SUGCT: variants seen among roughly 807,000 people sequenced by gnomAD.
SUGCT encodes the protein succinyl-CoA:glutarate CoA-transferase.
A neutral mutation model predicts 55.0 loss-of-function variants in SUGCT; 41 were observed. The ratio of observed to expected loss-of-function variants is 0.74; its 90% CI spans 0.58 to 0.97. The LOEUF (loss-of-function observed/expected upper bound fraction) is 0.97. Ranked by LOEUF, SUGCT falls within the 50% of genes least tolerant of loss-of-function variation. The pLI, the probability that SUGCT is intolerant of heterozygous loss-of-function variation, is 0.00. For synonymous variants in SUGCT, 187 were observed against 200.4 expected (o/e 0.93, Z 0.56); for missense variants, 568 against 547.8 (o/e 1.04, Z -0.37).
intron 13 of SUGCT, among the ~76,000 whole-genome samples, chr7:40,769,767 C>T (rs577724410): frequency 3.3e-5 from 5 of 152,166 alleles, no homozygotes; most frequent in Admixed American, 6.5e-5. Flanking sequence ...AACTTTGTGA[C>T]GATTTGTAAC....
At position 40,419,317 on chromosome 7, in the gene SUGCT, T is replaced by C. The variant is rs565288966; in HGVS notation, c.817-29970T>C. Among the ~76,000 whole-genome samples the C allele has an allele frequency of 4.1e-4, 63 of 152,288 alleles. 1 individual carries two copies. Among genetic ancestry groups the C allele is most frequent in the Non-Finnish European group, 8.5e-4 (58 of 68,026 alleles). Reference sequence around the variant, plus strand: ...AATTCAATTTTTTTCTTGTTCTTAATTAACCACATCCACTTCTATATATTA... The same window carrying C: ...AATTCAATTTTTTTCTTGTTCTTAACTAACCACATCCACTTCTATATATTA... On this transcript the variant is annotated intron_variant, in intron 9 of 13. Coordinates refer to ENST00000335693, the MANE Select transcript of SUGCT (RefSeq NM_001193313.2).
the SUGCT span, among the ~76,000 whole-genome samples, chr7:40,996,061 G>T: frequency 3.9e-4 from 59 of 152,252 alleles, no homozygotes; most frequent in African/African-American, 1.4e-3. Context: ...TGTCACAGAT[G>T]GAGAAATATC....
the SUGCT span, among the ~76,000 whole-genome samples, chr7:40,925,453 C>T: frequency 1.3e-4 from 20 of 152,138 alleles, no homozygotes; most frequent in Admixed American, 6.5e-5. Flanking sequence ...TATCATCTTC[C>T]CAGAGATAAC....
chr7:40,724,632 T>C (rs1215381772), intron 12 of SUGCT, among the ~76,000 whole-genome samples: 1 of 151,550 alleles, frequency 6.6e-6, no homozygotes, highest in African/African-American at 2.4e-5. Context: ...GCACAGCTAG[T>C]GGTTTACTGT....
intron 8 of SUGCT, 81 bp from the exon 9 acceptor site, chr7:40,316,679 A>T: frequency 1.2e-6 from 1 of 862,770 alleles, no homozygotes; most frequent in Non-Finnish European, 1.8e-6. Flanking sequence ...AAGTGAAATT[A>T]CTTTCATAAT....
intron 13 of SUGCT, among the ~76,000 whole-genome samples, chr7:40,777,874 C>A (rs560949810): frequency 2.0e-5 from 3 of 152,318 alleles, no homozygotes; most frequent in African/African-American, 7.2e-5. Context: ...ACCACCCTCA[C>A]ATCCTTGTTT....
the SUGCT span, among the ~76,000 whole-genome samples, chr7:41,028,580 T>G: frequency 6.6e-6 from 1 of 152,234 alleles, no homozygotes; most frequent in African/African-American, 2.4e-5. Context: ...GGCTACAAAC[T>G]TGTACAGCAT....
At chr7:40,189,398 C>CTTTTTTTTTTTTTTTTTTTTTTTT (rs771275549) in intron 4 of SUGCT, 146 bp from the exon 5 acceptor site, 1 of 143,912 alleles carries the variant, frequency 6.9e-6, no homozygotes, top group African/African-American at 3.1e-5. Flanking sequence ...AATACACATA[C>CTTTTTTTTTTTTTTTTTTTTTTTT]TTTTTTTTTT....
At chr7:40,374,722 G>T (rs1784459358) in intron 9 of SUGCT, among the ~76,000 whole-genome samples, 1 of 152,150 alleles carries the variant, frequency 6.6e-6, no homozygotes, top group Non-Finnish European at 1.5e-5. Context: ...GCTTTTCTCA[G>T]CTGAGTCACT....
At chr7:40,731,217 A>G (rs1786871602) in intron 12 of SUGCT, among the ~76,000 whole-genome samples, 1 of 152,206 alleles carries the variant, frequency 6.6e-6, no homozygotes, top group African/African-American at 2.4e-5. Context: ...ATTTCAATTC[A>G]TCTAATTATC....
intron 12 of SUGCT, among the ~76,000 whole-genome samples, chr7:40,615,375 C>T (rs1438906566): frequency 6.6e-6 from 1 of 152,160 alleles, no homozygotes; most frequent in South Asian, 2.1e-4. Context: ...TTTTCCAGAA[C>T]CTCTCAATCC....
chr7:40,512,188 A>G (rs1263188180), intron 12 of SUGCT, among the ~76,000 whole-genome samples: 1 of 152,188 alleles, frequency 6.6e-6, no homozygotes, highest in Non-Finnish European at 1.5e-5. Flanking sequence ...TGTATCACCA[A>G]AATTGGTTTC....
intron 6 of SUGCT, among the ~76,000 whole-genome samples, chr7:40,207,574 T>C (rs1455674132): frequency 2.0e-5 from 3 of 152,160 alleles, no homozygotes; most frequent in Non-Finnish European, 4.4e-5. Flanking sequence ...CCCAGCACTT[T>C]GGGAGGCCAA....
At chr7:40,587,937 C>T (rs1797483606) in intron 12 of SUGCT, among the ~76,000 whole-genome samples, 1 of 146,344 alleles carries the variant, frequency 6.8e-6, no homozygotes, top group African/African-American at 2.6e-5. Context: ...GAGTCTCACT[C>T]TGCCGCCTAA....
chr7:40,252,359 T>A (rs1338313322), intron 7 of SUGCT, among the ~76,000 whole-genome samples: 5 of 152,146 alleles, frequency 3.3e-5, no homozygotes, highest in African/African-American at 1.2e-4. Flanking sequence ...GCTCAAGCGA[T>A]CTGCCTGCCT....
At chr7:40,569,191 G>A (rs10277710) in intron 12 of SUGCT, among the ~76,000 whole-genome samples, 6,396 of 152,216 alleles carry the variant, frequency 0.042, 446 homozygotes, top group African/African-American at 0.15. Flanking sequence ...ATAGGGGTCA[G>A]GGATTTTAGA....
chr7:40,890,743 A>G, the SUGCT span, among the ~76,000 whole-genome samples: 221 of 152,324 alleles, frequency 1.5e-3, 1 homozygote, highest in Non-Finnish European at 2.5e-3. Context: ...CTTCAGATGC[A>G]TAGCCACAAG....
At chr7:40,658,669 T>C (rs1801145960) in intron 12 of SUGCT, among the ~76,000 whole-genome samples, 1 of 152,204 alleles carries the variant, frequency 6.6e-6, no homozygotes, top group African/African-American at 2.4e-5. Context: ...TTTTGAGTGA[T>C]GAATTGTCTT....
At chr7:40,201,498 A>G in intron 6 of SUGCT, among the ~76,000 whole-genome samples, 1 of 152,100 alleles carries the variant, frequency 6.6e-6, no homozygotes, top group Admixed American at 6.6e-5. Context: ...ATCAGGAAAT[A>G]TTTTTTCACC....
Sources: allele counts gnomAD v4.1 joint callset (sites outside exome capture counted in the v4.1 genomes callset), GRCh38; gene constraint gnomAD v4.1.1; transcripts MANE v1.5; gene names NCBI Gene and HGNC (gene_info 2026-07-23, HGNC 2026-07-21).